The following ZNF483 variants were observed in gnomAD, a reference collection of about 807,000 sequenced individuals.
ZNF483 encodes the protein zinc finger protein 483.
ZNF483 carries 9 observed loss-of-function variants against 28.6 expected under a neutral mutation model. The ratio of observed to expected loss-of-function variants is 0.32; its 90% CI spans 0.19 to 0.55. The LOEUF is 0.55. Ranked by LOEUF, ZNF483 falls within the 20% of genes least tolerant of loss-of-function variation. ZNF483 has a pLI of 0.93. For missense variants in ZNF483, 675 were observed against 871.7 expected, an observed-to-expected ratio of 0.77 and a Z score of 2.84; for synonymous variants, 322 against 306.2, an observed-to-expected ratio of 1.05 and a Z score of -0.54.
At chr9:111,526,507 G>C (rs755294636) in intron 1 of ZNF483, among the ~76,000 whole-genome samples, 6 of 152,156 alleles carry the variant, frequency 3.9e-5, no homozygotes, top group Non-Finnish European at 8.8e-5. Context: ...CTGTACTTAG[G>C]CAGTTTCAGA....
intron 5 of ZNF483, chr9:111,576,280 A>G: frequency 1.4e-6 from 2 of 1,403,170 alleles, no homozygotes; most frequent in South Asian, 1.2e-5. Context: ...AGTGGATTTC[A>G]TATTTGCATA....
At chr9:111,537,196 G>A (rs1008159405) in intron 5 of ZNF483, among the ~76,000 whole-genome samples, 48 of 151,686 alleles carry the variant, frequency 3.2e-4, no homozygotes, top group African/African-American at 1.1e-3. Context: ...GACATAAACT[G>A]CTTATGTGGA....
chr9:111,536,095 A>G (rs1419202252), intron 5 of ZNF483, among the ~76,000 whole-genome samples: 10 of 150,236 alleles, frequency 6.7e-5, no homozygotes, highest in African/African-American at 2.2e-4. Context: ...GCGTTTCCCC[A>G]TGGAAAGGAG....
chr9:111,533,196 G>A (rs1226696808), intron 3 of ZNF483, among the ~76,000 whole-genome samples: 1 of 152,146 alleles, frequency 6.6e-6, no homozygotes, highest in African/African-American at 2.4e-5. Context: ...CTATGTGTTA[G>A]GGTGAACTTG....
rs763866214 is a variant in ZNF483, at chr9:111,545,700, TCATC to T, written c.*2534_*2537del. On this transcript the variant is annotated 3_prime_UTR_variant, in exon 6 of 6. Coordinates refer to ENST00000309235, the MANE Select transcript of ZNF483 (RefSeq NM_133464.5). ...TTTTTTTCATTAATGTGTTTTAAGT[TCATC>T]CATGTTGTAACATACTAGTACTTTA... is the stretch of plus-strand genomic sequence containing the variant. Among the ~76,000 whole-genome samples the T allele has an allele frequency of 1.3e-4, 20 of 152,356 alleles. No homozygotes were observed. Among genetic ancestry groups the T allele is most frequent in the South Asian group, 2.1e-4 (1 of 4,824 alleles).
At chr9:111,525,823 A>T (rs949494761) in intron 1 of ZNF483, among the ~76,000 whole-genome samples, 1 of 152,128 alleles carries the variant, frequency 6.6e-6, no homozygotes, top group Non-Finnish European at 1.5e-5. Flanking sequence ...TATTTGGCAG[A>T]GGAATAAATG....
chr9:111,536,161 G>A (rs1438354961), intron 5 of ZNF483, among the ~76,000 whole-genome samples: 7 of 151,004 alleles, frequency 4.6e-5, no homozygotes, highest in African/African-American at 1.7e-4. Context: ...AAAGTACTGG[G>A]ATTACAGGCA....
rs1337635611 is a variant in ZNF483 at position 111,551,276 on chromosome 9, A to G, written c.*8106A>G. On this transcript the variant is annotated 3_prime_UTR_variant, in exon 6 of 6. Transcript: ENST00000309235. ...ACAAAATTTTCATTTGTAATACATAACTCACATTTAGATTTATAAAACGTA... is the reference window on the plus strand; with the variant it reads ...ACAAAATTTTCATTTGTAATACATAGCTCACATTTAGATTTATAAAACGTA... 6.6e-6 allele frequency among the ~76,000 whole-genome samples: 1 copy of G among 152,142 alleles called. No homozygotes were observed. The highest frequency in any genetic ancestry group is 1.5e-5 in the Non-Finnish European group (1 of 68,016).
At chr9:111,538,262 CT>C (rs1827569451) in intron 5 of ZNF483, among the ~76,000 whole-genome samples, 1 of 151,220 alleles carries the variant, frequency 6.6e-6, no homozygotes, top group Non-Finnish European at 1.5e-5. Flanking sequence ...CACCTGTAAT[CT>C]CAACACTTTG....
chr9:111,562,268 G>A (rs1404289616), intron 5 of ZNF483, among the ~76,000 whole-genome samples: 1 of 147,762 alleles, frequency 6.8e-6, no homozygotes, highest in Admixed American at 6.8e-5. Flanking sequence ...GGTCACAGAA[G>A]CAGTAAACTT....
intron 5 of ZNF483, chr9:111,539,430 T>C (rs1827611983): frequency 4.4e-6 from 2 of 456,100 alleles, no homozygotes; most frequent in African/African-American, 4.0e-5. Flanking sequence ...TCTGCTTTTA[T>C]GACTCTGTTT....
In ZNF483 at chr9:111,530,895, A is replaced by G. The variant is rs754777522; in HGVS notation, c.433A>G (p.Thr145Ala). The change falls in exon 3 of 6, where the codon ACT (threonine) becomes GCT (alanine). Residue 145 changes from threonine to alanine, a missense_variant. Thr to Ala is a moderately conservative substitution (Grantham distance 58). This residue lies in a region of ZNF483 where 525 missense variants were observed against 581.8 expected (regional missense o/e 0.90). Transcript: ENST00000309235. ...CCTAGATCCAGTCTCTCAAGATTCT[A>G]CTGTTTCCCAAGAGGAGAACTCAAA... ...EEKDPVSQDS[T>A]VSQEENSKED... 4 of 1,520,330 alleles carry G rather than the reference A, an allele frequency of 2.6e-6. No homozygotes were observed. Among genetic ancestry groups the G allele is most frequent in the Admixed American group, 1.8e-5 (1 of 56,934 alleles). 94.2% of individuals were successfully genotyped at this position (1,520,330 alleles called of 1,614,324 possible).
At chr9:111,570,329 C>G (rs1828755913) in intron 5 of ZNF483, 1 of 1,430,254 alleles carries the variant, frequency 7.0e-7, no homozygotes, top group African/African-American at 1.4e-5. Flanking sequence ...TTCTCCCCTT[C>G]CATTTCCTCA....
At chr9:111,533,302 C>G (rs1437689021) in intron 3 of ZNF483, among the ~76,000 whole-genome samples, 1 of 152,200 alleles carries the variant, frequency 6.6e-6, no homozygotes, top group South Asian at 2.1e-4. Flanking sequence ...TGTTCTGAAT[C>G]ACTTATAACA....
intron 2 of ZNF483, among the ~76,000 whole-genome samples, chr9:111,529,399 T>C (rs1564590498): frequency 6.6e-6 from 1 of 152,248 alleles, no homozygotes; most frequent in African/African-American, 2.4e-5. Flanking sequence ...GGATCACTCA[T>C]AGGCAGTATG....
In ZNF483 at chr9:111,542,044, A is replaced by T; in HGVS notation, c.1109A>T (p.His370Leu). Residue 370 changes from histidine (H) to leucine (L), a missense_variant, in exon 6 of 6, where the codon CAC becomes CTC. His to Leu is a moderately conservative substitution (Grantham distance 99, BLOSUM62 -3). Coordinates refer to ENST00000309235, the MANE Select transcript of ZNF483 (RefSeq NM_133464.5). This position sits in a 1 kb window ranked among gnomAD's most constrained non-coding sequence, Gnocchi z 6.2. Reference protein sequence around the residue: ...KSNDGGKVLSHSSALTEHQKR... With the variant: ...KSNDGGKVLSLSSALTEHQKR... Reference sequence around the variant, plus strand: ...AATGATGGTGGGAAAGTCCTGAGTCACTCTTCAGCTCTTACTGAACATCAG... The same window carrying T: ...AATGATGGTGGGAAAGTCCTGAGTCTCTCTTCAGCTCTTACTGAACATCAG... 1 of 1,614,026 alleles carries T rather than the reference A, an allele frequency of 6.2e-7. No homozygotes were observed.
rs755825921 is a variant in ZNF483 at position 111,553,574 on chromosome 9, A to G, written c.*10404A>G. ...AAAAAAATCATCTGAACTCAAATCA[A>G]TCTGTTGATACTGACTAGATTGGTG... is the stretch of plus-strand genomic sequence containing the variant. On this transcript the variant is annotated 3_prime_UTR_variant, in exon 6 of 6. Coordinates refer to ENST00000309235, the MANE Select transcript of ZNF483 (RefSeq NM_133464.5). Among the ~76,000 whole-genome samples the G allele has an allele frequency of 7.9e-5, 12 of 152,206 alleles. No individual in the cohort carries two copies. The highest frequency in any genetic ancestry group is 1.6e-4 in the Non-Finnish European group (11 of 68,026).
chr9:111,535,618 A>C (rs532504269), intron 5 of ZNF483, among the ~76,000 whole-genome samples: 264 of 152,298 alleles, frequency 1.7e-3, no homozygotes, highest in African/African-American at 6.1e-3. Flanking sequence ...GTCTCAGCTC[A>C]CTGCAACCTC....
Position 111,542,402 on chromosome 9 carries a change from T to C in ZNF483, c.1467T>C (p.His489=), listed in dbSNP as rs778961390. The change falls in exon 6 of 6, where the codon CAT becomes CAC. Residue 489 remains histidine, a synonymous_variant. Transcript: ENST00000309235. This position sits in a 1 kb window ranked among gnomAD's most constrained non-coding sequence, Gnocchi z 6.2. ...SSSLTPHHRT[H]SGEKPFKCDD... Reference sequence around the variant, plus strand: ...CGCTCACACCACATCATAGAACTCATAGTGGAGAGAAACCCTTCAAATGTG... The same window carrying C: ...CGCTCACACCACATCATAGAACTCACAGTGGAGAGAAACCCTTCAAATGTG... 18 of 1,614,022 alleles carry C rather than the reference T, an allele frequency of 1.1e-5. No homozygotes were observed. In the South Asian group the frequency reaches 1.5e-4, roughly 14 times the overall value.
Sources: allele counts gnomAD v4.1 joint callset (sites outside exome capture counted in the v4.1 genomes callset), GRCh38; gene constraint gnomAD v4.1.1; regional missense constraint gnomAD v4.1.1; non-coding constraint Gnocchi (gnomAD v3.1); transcripts MANE v1.5; gene names NCBI Gene and HGNC (gene_info 2026-07-23, HGNC 2026-07-21).